ERCC8: variants seen among roughly 807,000 people sequenced by gnomAD.
ERCC8 encodes ERCC excision repair 8, CSA ubiquitin ligase complex subunit, also known as DNA excision repair protein ERCC-8.
In ERCC8, 52 loss-of-function variants were observed where a neutral mutation model predicts 54.9. That is an observed-to-expected ratio of 0.95 (90% CI 0.76 to 1.19). ERCC8 has a LOEUF of 1.19. Ranked by LOEUF, ERCC8 falls within the 50% of genes most tolerant of loss-of-function variation. ERCC8 has a pLI of 0.00. For synonymous variants in ERCC8, 146 were observed against 157.2 expected (o/e 0.93, Z 0.53); for missense variants, 514 against 466.1 (o/e 1.10, Z -0.95).
At chr5:60,939,645 C>A (rs4647053) in intron 1 of ERCC8, among the ~76,000 whole-genome samples, 1 of 151,900 alleles carries the variant, frequency 6.6e-6, no homozygotes, top group Non-Finnish European at 1.5e-5. Flanking sequence ...CCACCGCACC[C>A]GGAGCACGCC....
At chr5:60,924,223 C>T (rs1749685232) in intron 2 of ERCC8, 1 of 152,508 alleles carries the variant, frequency 6.6e-6, no homozygotes, top group Non-Finnish European at 1.5e-5. Flanking sequence ...AGCAGACAAA[C>T]CAATATCTAG....
At chr5:60,917,578 AAG>A (rs1749473764) in intron 4 of ERCC8, 1 of 152,124 alleles carries the variant, frequency 6.6e-6, no homozygotes, top group South Asian at 2.1e-4. Flanking sequence ...GTAAATAGAA[AAG>A]AGAGGTATGA....
At chr5:60,904,978 CTGTT>C (rs987644056) in intron 4 of ERCC8, 105 bp from the exon 5 acceptor site, 2 of 571,794 alleles carry the variant, frequency 3.5e-6, no homozygotes, top group African/African-American at 3.8e-5. Flanking sequence ...TTTAAATTGA[CTGTT>C]AGCAATTCAA....
At chr5:60,900,702 A>G (rs1748878624) in intron 7 of ERCC8, 1 of 152,100 alleles carries the variant, frequency 6.6e-6, no homozygotes, top group Admixed American at 6.6e-5. Context: ...TGAAATCAGT[A>G]TGAGGATTTA....
chr5:60,922,745 C>T (rs1322976210), intron 2 of ERCC8, among the ~76,000 whole-genome samples: 1 of 152,088 alleles, frequency 6.6e-6, no homozygotes. Context: ...TAAGTTCCTA[C>T]AATGTTAGAC....
intron 5 of ERCC8, among the ~76,000 whole-genome samples, chr5:60,904,536 T>A (rs1302282171): frequency 6.7e-6 from 1 of 150,288 alleles, no homozygotes. Flanking sequence ...TACGCTCTTA[T>A]TCTCTGAATC....
rs113034477 is a variant in ERCC8 at position 60,892,657 on chromosome 5, T to G, written c.844-1571A>C. ...TCCTCCAGGTTGCAGCACTGCAAGATGGTCTCCACTGGGGTCATGGGGTCT... is the reference window on the plus strand; with the variant it reads ...TCCTCCAGGTTGCAGCACTGCAAGAGGGTCTCCACTGGGGTCATGGGGTCT... On this transcript the variant is annotated intron_variant, in intron 9 of 11. Coordinates refer to ENST00000676185, the MANE Select transcript of ERCC8 (RefSeq NM_000082.4). The G allele has an allele frequency of 8.4e-4, 553 of 659,590 alleles. 12 individuals carry two copies. The African/African-American group carries it at 8.7e-3, about 10-fold the overall frequency. 40.9% of individuals were successfully genotyped at this position (659,590 alleles called of 1,614,324 possible).
intron 1 of ERCC8, among the ~76,000 whole-genome samples, chr5:60,940,827 T>C (rs923739429): frequency 6.6e-6 from 1 of 152,196 alleles, no homozygotes; most frequent in Non-Finnish European, 1.5e-5. Flanking sequence ...AATATCAACA[T>C]TCTTCATAGG....
intron 1 of ERCC8, among the ~76,000 whole-genome samples, chr5:60,943,492 T>C (rs930795342): frequency 3.3e-5 from 5 of 152,188 alleles, no homozygotes; most frequent in African/African-American, 1.2e-4. Flanking sequence ...TCAAAGTCTA[T>C]GGGTGATTGG....
intron 11 of ERCC8, among the ~76,000 whole-genome samples, chr5:60,876,692 T>A (rs148706681): frequency 2.0e-5 from 3 of 152,180 alleles, no homozygotes; most frequent in Non-Finnish European, 4.4e-5. Context: ...TGAGAAGTGT[T>A]TGTTCATATC....
In ERCC8 at chr5:60,868,743, CAT is replaced by C. The variant is rs1033008250; in HGVS notation, c.*5870_*5871del. On this transcript the variant is annotated 3_prime_UTR_variant, in exon 12 of 12. Transcript: ENST00000676185. ...TAGGTAGCACATTAAGAACTACACA[CAT>C]ATTCTTTGCAAAGAAGAAAAAATGT... Among the ~76,000 whole-genome samples the C allele has an allele frequency of 3.3e-5, 5 of 152,178 alleles. No individual in the cohort carries two copies. The highest frequency in any genetic ancestry group is 1.2e-4 in the African/African-American group (5 of 41,450).
intron 11 of ERCC8, among the ~76,000 whole-genome samples, chr5:60,875,899 T>TTC (rs1747986350): frequency 2.0e-5 from 3 of 151,680 alleles, no homozygotes; most frequent in African/African-American, 7.3e-5. Flanking sequence ...TTTTCTTTTT[T>TTC]TTATTATACT....
intron 10 of ERCC8, among the ~76,000 whole-genome samples, chr5:60,889,457 C>G (rs1748485377): frequency 6.6e-6 from 1 of 152,176 alleles, no homozygotes; most frequent in South Asian, 2.1e-4. Flanking sequence ...AGGCATATAC[C>G]ACCACACCTG....
Position 60,874,667 on chromosome 5 carries a change from T to G in ERCC8, c.1139A>C (p.Gln380Pro), listed in dbSNP as rs1051891734. 3 of 1,610,934 alleles carry G rather than the reference T, an allele frequency of 1.9e-6. No homozygotes were observed. The highest frequency in any genetic ancestry group is 2.5e-6 in the Non-Finnish European group (3 of 1,179,248). The part of the protein sequence containing the change: ...PDDDETTTKS[Q>P]LNPAFEDAWS... The stretch of plus-strand genomic sequence containing the variant: ...GGCATCTTCAAAGGCCGGATTTAAT[T>G]GTGATTTTGTTGTAGTCTAAAAAAA... The change falls in exon 12 of 12, where the codon CAA becomes CCA. Residue 380 changes from glutamine (Q) to proline (P), a missense_variant. Transcript: ENST00000676185.
At chr5:60,918,234 A>G (rs1186956867) in intron 4 of ERCC8, 31 bp downstream of exon 4, 1 of 1,535,636 alleles carries the variant, frequency 6.5e-7, no homozygotes, top group Admixed American at 1.7e-5. Context: ...TTATCCTACA[A>G]AGCAATCTGC....
chr5:60,880,147 A>G (rs1466529497), intron 11 of ERCC8, among the ~76,000 whole-genome samples: 1 of 152,108 alleles, frequency 6.6e-6, no homozygotes, highest in Non-Finnish European at 1.5e-5. Flanking sequence ...CTGGATATGA[A>G]ATTCTGGGTT....
intron 2 of ERCC8, among the ~76,000 whole-genome samples, chr5:60,923,426 G>A (rs1749658486): frequency 6.6e-6 from 1 of 151,076 alleles, no homozygotes; most frequent in Non-Finnish European, 1.5e-5. Context: ...AGTTTTTTTG[G>A]CATAAAATTG....
Position 60,899,708 on chromosome 5 carries a change from A to G in ERCC8, c.637T>C (p.Leu213=), listed in dbSNP as rs752757232. 1.6e-5 allele frequency: 25 copies of G among 1,611,438 alleles called. No homozygotes were observed. Among genetic ancestry groups the G allele is most frequent in the Admixed American group, 3.3e-5 (2 of 59,950 alleles). ...CCTGATGCTCTTCTCACATCCCATA[A>G]TTTTACTCTACTGTCAGCACTGAGA... ...ATASADSRVK[L]WDVRRASGCL... Residue 213 remains leucine, a synonymous_variant, in exon 8 of 12, where the codon TTA becomes CTA. Coordinates refer to ENST00000676185, the MANE Select transcript of ERCC8 (RefSeq NM_000082.4).
chr5:60,901,734 C>T (rs1283435090), intron 7 of ERCC8, among the ~76,000 whole-genome samples: 2 of 152,004 alleles, frequency 1.3e-5, no homozygotes, highest in Non-Finnish European at 2.9e-5. Flanking sequence ...TATTCAAGGA[C>T]CTAATGCACC....
Sources: allele counts gnomAD v4.1 joint callset (sites outside exome capture counted in the v4.1 genomes callset), GRCh38; gene constraint gnomAD v4.1.1; transcripts MANE v1.5; gene names NCBI Gene and HGNC (gene_info 2026-07-23, HGNC 2026-07-21).